The following C14orf39 variants were observed in gnomAD, a reference collection of about 807,000 sequenced individuals.
C14orf39 encodes protein SIX6OS1.
C14orf39 carries 66 observed loss-of-function variants against 85.6 expected under a neutral mutation model. That is an observed-to-expected ratio of 0.77 (90% CI 0.63 to 0.95). The LOEUF is 0.95. Ranked by LOEUF, C14orf39 falls within the 40% of genes least tolerant of loss-of-function variation. C14orf39 has a pLI of 0.00. For missense variants in C14orf39, 735 were observed against 663.9 expected, an observed-to-expected ratio of 1.11 and a Z score of -1.18; for synonymous variants, 242 against 214.0, an observed-to-expected ratio of 1.13 and a Z score of -1.14.
At chr14:60,460,676 T>A (rs1030526031) in intron 13 of C14orf39, among the ~76,000 whole-genome samples, 1 of 151,876 alleles carries the variant, frequency 6.6e-6, no homozygotes, top group African/African-American at 2.4e-5. Flanking sequence ...TATACATACA[T>A]GTATACACAT....
chr14:60,468,878 G>T (rs1424908873), intron 8 of C14orf39, among the ~76,000 whole-genome samples: 1 of 151,382 alleles, frequency 6.6e-6, no homozygotes. Context: ...TTACTAAAAT[G>T]ATATTACTGT....
chr14:60,483,237 TAA>T (rs1227615809), intron 4 of C14orf39, among the ~76,000 whole-genome samples: 1 of 152,202 alleles, frequency 6.6e-6, no homozygotes, highest in Non-Finnish European at 1.5e-5. Context: ...ATATTTGTAA[TAA>T]GTCTTTGTTG....
chr14:60,436,451 C>CA lies in C14orf39; in HGVS notation c.*393_*394insT. The CA allele has an allele frequency of 6.3e-6, 1 of 158,924 alleles. No homozygotes were observed. The highest frequency in any genetic ancestry group is 1.4e-5 in the Non-Finnish European group (1 of 73,186). 9.8% of individuals were successfully genotyped at this position (158,924 alleles called of 1,614,324 possible). The stretch of plus-strand genomic sequence containing the variant: ...AGAAATTTTTAGTAGCTAAAGTACG[C>CA]TTCAGCACTAACTCTGGAGTTACTA... On this transcript the variant is annotated 3_prime_UTR_variant, in exon 18 of 18. Coordinates refer to ENST00000321731, the MANE Select transcript of C14orf39 (RefSeq NM_174978.3).
intron 17 of C14orf39, among the ~76,000 whole-genome samples, chr14:60,437,527 G>A (rs1309214445): frequency 6.6e-6 from 1 of 151,992 alleles, no homozygotes; most frequent in African/African-American, 2.4e-5. Flanking sequence ...AGAATTCATT[G>A]AAGATTTTCA....
chr14:60,469,787 CA>C, intron 7 of C14orf39, 134 bp from the exon 8 acceptor site: 1 of 419,436 alleles, frequency 2.4e-6, no homozygotes, highest in Non-Finnish European at 3.9e-6. Flanking sequence ...ATATTAAAAA[CA>C]GTATCTGAAA....
Position 60,484,960 on chromosome 14 carries a change from G to A in C14orf39, c.50-23C>T. 1 of 1,577,474 alleles carries A rather than the reference G, an allele frequency of 6.3e-7. No individual in the cohort carries two copies. Among genetic ancestry groups the A allele is most frequent in the Non-Finnish European group, 8.6e-7 (1 of 1,160,938 alleles). ...AGACTAAAATAAATAATTATCTTGT[G>A]ACTTCAATTCATTGTTAAAATATCA... On this transcript the variant is annotated intron_variant, in intron 2 of 17. Coordinates refer to ENST00000321731, the MANE Select transcript of C14orf39 (RefSeq NM_174978.3). This position sits in a 1 kb window ranked among gnomAD's most constrained non-coding sequence, Gnocchi z 4.2.
chr14:60,454,576 T>C (rs1891181091), intron 16 of C14orf39, among the ~76,000 whole-genome samples: 1 of 151,966 alleles, frequency 6.6e-6, no homozygotes, highest in Admixed American at 6.6e-5. Context: ...ATGATTCATA[T>C]CACTGAACAG....
chr14:60,486,206 G>A (rs191590876), upstream of C14orf39: 1 of 152,242 alleles, frequency 6.6e-6, no homozygotes, highest in African/African-American at 2.4e-5. Context: ...TTCTTCGCGG[G>A]TGGAAGCGCG....
intron 1 of C14orf39, among the ~76,000 whole-genome samples, chr14:60,501,383 C>A (rs571565893): frequency 7.5e-4 from 114 of 151,524 alleles, no homozygotes; most frequent in Non-Finnish European, 1.3e-3. Context: ...TCCACACATC[C>A]ACACATAGGA....
chr14:60,439,442 AAAAT>A (rs1890404250), intron 17 of C14orf39, among the ~76,000 whole-genome samples: 1 of 152,208 alleles, frequency 6.6e-6, no homozygotes, highest in South Asian at 2.1e-4. Context: ...ATAGAAAATA[AAAAT>A]AAATATTTAA....
At position 60,484,732 on chromosome 14, in the gene C14orf39, G is replaced by C; in HGVS notation, c.106+149C>G. 1 of 560,124 alleles carries C rather than the reference G, an allele frequency of 1.8e-6. No individual in the cohort carries two copies. The highest frequency in any genetic ancestry group is 3.1e-6 in the Non-Finnish European group (1 of 321,238). 34.7% of individuals were successfully genotyped at this position (560,124 alleles called of 1,614,324 possible). A position where few individuals can be genotyped will look rare whatever the true frequency, so the allele number is the denominator to read the frequency against. ...ACTATAGTTAAGTCACATCTATTTC[G>C]TCTAGGGTAAATAGTTTATTTGTCG... On this transcript the variant is annotated intron_variant, in intron 3 of 17. Coordinates refer to ENST00000321731, the MANE Select transcript of C14orf39 (RefSeq NM_174978.3). The surrounding 1 kb of genome is among the most constrained non-coding windows in gnomAD (Gnocchi z 4.2).
At chr14:60,507,675 A>G (rs1893223406) in intron 1 of C14orf39, among the ~76,000 whole-genome samples, 1 of 152,096 alleles carries the variant, frequency 6.6e-6, no homozygotes, top group Non-Finnish European at 1.5e-5. Context: ...GCGTGGCGTG[A>G]TCTGACCCGA....
chr14:60,469,522 A>C lies in C14orf39; in HGVS notation c.675+11T>G, dbSNP rs533156244. On this transcript the variant is annotated intron_variant, in intron 8 of 17. Coordinates refer to ENST00000321731, the MANE Select transcript of C14orf39 (RefSeq NM_174978.3). ...AATACACATATTAGAAATATATAAC[A>C]AAATATATACCTGGTTTAAATAATT... 82 of 1,225,512 alleles carry C rather than the reference A, an allele frequency of 6.7e-5. No homozygotes were observed. In the South Asian group the frequency reaches 1.4e-3, roughly 20 times the overall value. The allele number at this position is 1,225,512 out of a possible 1,614,324, so 75.9% of individuals were successfully genotyped here. A position where few individuals can be genotyped will look rare whatever the true frequency, so the allele number is the denominator to read the frequency against.
rs8011007 is a variant in C14orf39, at chr14:60,470,209, G to A, written c.555-556C>T. Among the ~76,000 whole-genome samples, 132 of 151,738 alleles carry A rather than the reference G, an allele frequency of 8.7e-4. 1 individual carries two copies. In the Middle Eastern group the frequency reaches 0.02, roughly 23 times the overall value. On this transcript the variant is annotated intron_variant, in intron 7 of 17. Transcript: ENST00000321731. ...TCGACTTGGACTTTCTACTTGAACT[G>A]GATTTGTGCCCAATTTCAAGTAAAA... is the stretch of plus-strand genomic sequence containing the variant.
chr14:60,471,300 TTTAA>T, intron 7 of C14orf39, 113 bp downstream of exon 7: 1 of 885,846 alleles, frequency 1.1e-6, no homozygotes, highest in Non-Finnish European at 1.7e-6. Context: ...TTTTAAATAT[TTTAA>T]TTAAACACAA....
rs1892990225 is a variant in C14orf39, at chr14:60,491,620, AC to A, written c.-8-6535del. 6.6e-6 allele frequency among the ~76,000 whole-genome samples: 1 copy of A among 151,960 alleles called. No individual in the cohort carries two copies. Among genetic ancestry groups the A allele is most frequent in the Non-Finnish European group, 1.5e-5 (1 of 67,972 alleles). ...CCACATCAAATCCATCATAAATCCT[AC>A]CAATTTTTCCTCTTAAATATCTTCC... On this transcript the variant is annotated intron_variant, in intron 2 of 5. Transcript: ENST00000556799. This position sits in a 1 kb window ranked among gnomAD's most constrained non-coding sequence, Gnocchi z 4.5.
chr14:60,506,212 A>C (rs1287240171), intron 1 of C14orf39, among the ~76,000 whole-genome samples: 2 of 152,200 alleles, frequency 1.3e-5, no homozygotes, highest in Non-Finnish European at 2.9e-5. Flanking sequence ...CCACCCAGAC[A>C]GGCCCAAGGC....
At chr14:60,455,634 A>G (rs1891238988) in intron 15 of C14orf39, among the ~76,000 whole-genome samples, 1 of 152,106 alleles carries the variant, frequency 6.6e-6, no homozygotes, top group South Asian at 2.1e-4. Flanking sequence ...TTTGGGAAAA[A>G]TAATTAGACA....
intron 1 of C14orf39, chr14:60,509,546 A>G: frequency 6.2e-7 from 1 of 1,610,734 alleles, no homozygotes; most frequent in Non-Finnish European, 8.5e-7. Flanking sequence ...CCTCAACAAG[A>G]ATGAGTCGGT....
Sources: gnomAD v4.1 joint callset for allele counts (sites outside exome capture counted in the v4.1 genomes callset) on GRCh38, gnomAD v4.1.1 for gene constraint, Gnocchi (gnomAD v3.1) non-coding constraint, MANE v1.5 for transcripts, NCBI Gene and HGNC (gene_info 2026-07-23, HGNC 2026-07-21) for gene names.